PHACTR1: variants seen among roughly 807,000 people sequenced by gnomAD.
The protein encoded by PHACTR1 is RPEL repeat containing 1.
A neutral mutation model predicts 69.2 loss-of-function variants in PHACTR1; 16 were observed. That is an observed-to-expected ratio of 0.23 (90% confidence interval 0.16 to 0.35). The LOEUF (loss-of-function observed/expected upper bound fraction) is 0.35, where lower values mean the gene tolerates loss of function less well. Among genes scored for constraint, PHACTR1 ranks in the 10% least tolerant of loss-of-function variants. PHACTR1 has a pLI of 1.00. For missense variants in PHACTR1, 510 were observed against 734.7 expected (o/e 0.69, Z 3.54); for synonymous variants, 312 against 284.5 (o/e 1.10, Z -0.97).
At chr6:13,139,395 C>A (rs1822066247) in intron 5 of PHACTR1, among the ~76,000 whole-genome samples, 1 of 152,016 alleles carries the variant, frequency 6.6e-6, no homozygotes. Context: ...GCTGTTTGGT[C>A]CTCTTCACAA....
intron 4 of PHACTR1, among the ~76,000 whole-genome samples, chr6:12,954,494 T>C (rs918892715): frequency 6.6e-6 from 1 of 151,630 alleles, no homozygotes; most frequent in Non-Finnish European, 1.5e-5. Flanking sequence ...TGAGAAAAGG[T>C]GACAGGTAGA....
intron 10 of PHACTR1, among the ~76,000 whole-genome samples, chr6:13,258,336 CAG>C (rs1226777036): frequency 1.4e-5 from 2 of 145,718 alleles, no homozygotes; most frequent in Non-Finnish European, 3.0e-5. Flanking sequence ...GCCTCGGCGA[CAG>C]AGAGAGACAC....
intron 4 of PHACTR1, among the ~76,000 whole-genome samples, chr6:12,979,995 T>G (rs755225548): frequency 6.6e-6 from 1 of 152,222 alleles, no homozygotes; most frequent in African/African-American, 2.4e-5. Flanking sequence ...ACAATTAGCA[T>G]GCTTTGTTAG....
chr6:13,008,173 A>G (rs1334903630), intron 4 of PHACTR1, among the ~76,000 whole-genome samples: 3 of 152,220 alleles, frequency 2.0e-5, no homozygotes, highest in African/African-American at 7.2e-5. Context: ...TAATAAGGGA[A>G]AAGCTAAAGC....
chr6:12,837,754 C>G (rs562892971), intron 4 of PHACTR1, among the ~76,000 whole-genome samples: 1 of 152,316 alleles, frequency 6.6e-6, no homozygotes, highest in South Asian at 2.1e-4. Flanking sequence ...ATTGGGAGTG[C>G]TACAGAGATA....
intron 4 of PHACTR1, among the ~76,000 whole-genome samples, chr6:12,986,101 GCTGGGATT>G (rs1796153044): frequency 6.6e-6 from 1 of 152,182 alleles, no homozygotes; most frequent in African/African-American, 2.4e-5. Context: ...CTCTCAAAGT[GCTGGGATT>G]ACAGTCATGA....
At chr6:13,174,541 G>A (rs1406577566) in intron 6 of PHACTR1, among the ~76,000 whole-genome samples, 1 of 152,210 alleles carries the variant, frequency 6.6e-6, no homozygotes, top group Admixed American at 6.5e-5. Context: ...AAGCATAAAT[G>A]TAGCCATGGT....
chr6:12,875,431 T>C (rs1478653257), intron 4 of PHACTR1, among the ~76,000 whole-genome samples: 1 of 152,146 alleles, frequency 6.6e-6, no homozygotes, highest in Non-Finnish European at 1.5e-5. Context: ...AAAGCAGAAT[T>C]AGGTGAATTT....
chr6:12,933,458 A>G (rs1789094375), intron 4 of PHACTR1, among the ~76,000 whole-genome samples: 2 of 152,234 alleles, frequency 1.3e-5, no homozygotes, highest in Non-Finnish European at 2.9e-5. Flanking sequence ...ATAAGGATCC[A>G]AATGACACCA....
intron 4 of PHACTR1, among the ~76,000 whole-genome samples, chr6:12,882,856 T>C (rs1423591454): frequency 3.3e-5 from 5 of 152,200 alleles, no homozygotes; most frequent in Admixed American, 3.3e-4. Flanking sequence ...GAGTGTGAGC[T>C]GGTGTAGTAA....
intron 7 of PHACTR1, among the ~76,000 whole-genome samples, chr6:13,197,056 A>G (rs532545445): frequency 6.6e-6 from 1 of 152,324 alleles, no homozygotes; most frequent in Admixed American, 6.5e-5. Context: ...GCAGCTATAT[A>G]AGGTACTTTG....
chr6:12,776,317 A>AT (rs1770057111), intron 4 of PHACTR1, among the ~76,000 whole-genome samples: 1 of 152,116 alleles, frequency 6.6e-6, no homozygotes, highest in Admixed American at 6.5e-5. Flanking sequence ...ACCGTTTACA[A>AT]TTTAATTTGG....
At chr6:12,907,825 CT>C (rs1167786732) in intron 4 of PHACTR1, among the ~76,000 whole-genome samples, 2 of 152,178 alleles carry the variant, frequency 1.3e-5, no homozygotes, top group African/African-American at 4.8e-5. Flanking sequence ...AGTTTGTGAG[CT>C]TTCAAGAAAG....
chr6:13,029,881 G>T (rs992908447), intron 4 of PHACTR1, among the ~76,000 whole-genome samples: 2 of 152,204 alleles, frequency 1.3e-5, no homozygotes, highest in African/African-American at 4.8e-5. Context: ...TCAGATTTGT[G>T]CACCCCTGGT....
intron 4 of PHACTR1, among the ~76,000 whole-genome samples, chr6:12,971,695 A>G (rs1794230775): frequency 1.3e-5 from 2 of 152,374 alleles, no homozygotes; most frequent in African/African-American, 4.8e-5. Context: ...AGTGATGGCA[A>G]TTCTGCACTA....
chr6:12,956,803 C>T (rs9473086), intron 4 of PHACTR1, among the ~76,000 whole-genome samples: 26,673 of 151,976 alleles, frequency 0.18, 2,773 homozygotes, highest in African/African-American at 0.27. Context: ...TTTCAACTGA[C>T]GACGCACTTG....
chr6:13,286,309 G>A (rs1213405093), intron 14 of PHACTR1, 87 bp downstream of exon 14: 7 of 1,102,604 alleles, frequency 6.3e-6, no homozygotes, highest in South Asian at 3.3e-5. Context: ...TGTGGGACAT[G>A]AGTGGGTTGG....
At chr6:12,843,687 A>G (rs1222852804) in intron 4 of PHACTR1, among the ~76,000 whole-genome samples, 1 of 152,112 alleles carries the variant, frequency 6.6e-6, no homozygotes, top group Non-Finnish European at 1.5e-5. Context: ...AGCTTTGCAG[A>G]TATTCAAAGA....
intron 7 of PHACTR1, among the ~76,000 whole-genome samples, chr6:13,191,811 C>T (rs182615462): frequency 6.6e-6 from 1 of 152,294 alleles, no homozygotes; most frequent in African/African-American, 2.4e-5. Flanking sequence ...CAACACAGAA[C>T]GAATGGGGGA....
Sources: gnomAD v4.1 joint callset for allele counts (sites outside exome capture counted in the v4.1 genomes callset) on GRCh38, gnomAD v4.1.1 for gene constraint, MANE v1.5 for transcripts, NCBI Gene and HGNC (gene_info 2026-07-23, HGNC 2026-07-21) for gene names.